The following FGD2 variants were observed in gnomAD, a reference collection of about 807,000 sequenced individuals.
FGD2 encodes FYVE, RhoGEF and PH domain containing 2.
A neutral mutation model predicts 75.9 loss-of-function variants in FGD2; 52 were observed. The observed-to-expected ratio is 0.69, with a 90% CI of 0.55 to 0.86. The LOEUF (loss-of-function observed/expected upper bound fraction) is 0.86, where lower values mean the gene tolerates loss of function less well. Among genes scored for constraint, FGD2 ranks in the 40% least tolerant of loss-of-function variants. FGD2 has a pLI of 0.00. For missense variants in FGD2, 790 were observed against 872.0 expected, an observed-to-expected ratio of 0.91 and a Z score of 1.18; for synonymous variants, 347 against 348.6, an observed-to-expected ratio of 1.00 and a Z score of 0.05.
At chr6:37,015,968 C>A in intron 9 of FGD2, 108 bp downstream of exon 9, 1 of 1,018,310 alleles carries the variant, frequency 9.8e-7, no homozygotes, top group Non-Finnish European at 1.4e-6. Context: ...CAAACCCTTG[C>A]AGGGCCTGGG....
At chr6:37,011,438 A>G in intron 3 of FGD2, 1 of 570,334 alleles carries the variant, frequency 1.8e-6, no homozygotes, top group Admixed American at 3.2e-5. Flanking sequence ...GATGAAGTCC[A>G]AGACCTCCAC....
rs909931830 is a variant in FGD2 at position 37,005,827 on chromosome 6, G to A, written c.10G>A (p.Ala4Thr). The change falls in exon 1 of 16, where the codon GCA (alanine) becomes ACA (threonine). Residue 4 changes from alanine to threonine, a missense_variant. Physicochemically the swap from Ala to Thr is moderately conservative, Grantham distance 58. Transcript: ENST00000274963. MKG[A>T]SEEKLASVSN... ...CCCGGAAACCGGCAGGATGAAGGGG[G>A]CAAGTGAGGAGAAGCTGGCATCTGT... 6.8e-6 allele frequency: 11 copies of A among 1,613,744 alleles called. No individual in the cohort carries two copies. In the African/African-American group the frequency reaches 1.3e-4, roughly 20 times the overall value.
chr6:37,026,402 G>A, intron 14 of FGD2: 1 of 985,358 alleles, frequency 1.0e-6, no homozygotes, highest in Non-Finnish European at 1.2e-6. Context: ...GGAGACCCAG[G>A]GCTGGAGGAG....
chr6:37,014,648 G>T lies in FGD2; in HGVS notation c.826G>T (p.Ala276Ser). 1.2e-6 allele frequency: 2 copies of T among 1,613,836 alleles called. No homozygotes were observed. The highest frequency in any genetic ancestry group is 2.2e-5 in the South Asian group (2 of 91,080). ...QAPDQADAQK[A>S]LDMIFSAAQH... ...AACTCCGGCCCTGCCCCTTTCAGAA[G>T]CCCTGGACATGATCTTCTCAGCTGC... The change falls in exon 7 of 16, where the codon GCC becomes TCC. Residue 276 changes from alanine (A) to serine (S), a missense_variant and splice_region_variant. Coordinates refer to ENST00000274963, the MANE Select transcript of FGD2 (RefSeq NM_173558.4).
rs749795960 is a variant in FGD2, at chr6:37,020,702, C to A, written c.1203-7C>A. The A allele has an allele frequency of 6.3e-7, 1 of 1,574,848 alleles. No homozygotes were observed. Among genetic ancestry groups the A allele is most frequent in the Non-Finnish European group, 8.6e-7 (1 of 1,158,658 alleles). On this transcript the variant is annotated splice_polypyrimidine_tract_variant and splice_region_variant and intron_variant, in intron 10 of 15. Transcript: ENST00000274963. ...CTCCTCAACACCTGTGTTCACTTTC[C>A]GAGCAGGTCCCAGGAGGAAATGATT...
At chr6:37,026,375 A>G in intron 14 of FGD2, 1 of 985,430 alleles carries the variant, frequency 1.0e-6, no homozygotes. Context: ...TCCAGGGGCC[A>G]GTCGGTCTTA....
intron 4 of FGD2, 136 bp from the exon 5 acceptor site, chr6:37,013,473 C>T (rs1765121801): frequency 2.1e-6 from 3 of 1,453,790 alleles, no homozygotes; most frequent in Non-Finnish European, 1.8e-6. Flanking sequence ...GGATGACACC[C>T]CCGTACCCCG....
intron 2 of FGD2, 161 bp downstream of exon 2, chr6:37,009,226 C>G: frequency 1.5e-6 from 1 of 659,462 alleles, no homozygotes; most frequent in Non-Finnish European, 2.5e-6. Context: ...TGCTTAATGG[C>G]CTTTGATTCA....
Position 37,022,377 on chromosome 6 carries a change from ACTC to A in FGD2, c.1458+10_1458+12del. The A allele has an allele frequency of 6.4e-7, 1 of 1,563,992 alleles. No homozygotes were observed. Among genetic ancestry groups the A allele is most frequent in the Non-Finnish European group, 8.6e-7 (1 of 1,158,362 alleles). ...CTGCCGGGCCTGCGGCTATGTGAGT[ACTC>A]CTGCCAGCACTCCTGCCTCCACCTG... On this transcript the variant is annotated splice_region_variant and intron_variant, in intron 13 of 15. Transcript: ENST00000274963.
chr6:37,015,355 G>T (rs534560147), intron 8 of FGD2, among the ~76,000 whole-genome samples: 8 of 152,308 alleles, frequency 5.3e-5, no homozygotes, highest in Non-Finnish European at 1.5e-5. Context: ...AAGGAGTAAG[G>T]TTAGCTACTA....
At chr6:37,026,846 A>G (rs1225575439) in intron 14 of FGD2, among the ~76,000 whole-genome samples, 6 of 138,778 alleles carry the variant, frequency 4.3e-5, no homozygotes, top group Non-Finnish European at 7.7e-5. Context: ...CTAAAAATAC[A>G]AAAAAAAAAA....
At chr6:37,010,013 CA>C (rs58302886) in intron 2 of FGD2, 9,587 of 100,014 alleles carry the variant, frequency 0.096, 328 homozygotes, top group African/African-American at 0.15. Flanking sequence ...GACTCTGTCT[CA>C]AAAAAAAAAA....
rs760448753 is a variant in FGD2, at chr6:37,028,003, C to A, written c.1808C>A (p.Pro603His). The change falls in exon 16 of 16, where the codon CCC becomes CAC. Residue 603 changes from proline (P) to histidine (H), a missense_variant. Coordinates refer to ENST00000274963, the MANE Select transcript of FGD2 (RefSeq NM_173558.4). ...PLLGYQVTVGPQGDPRVFQLQ... is the reference protein window; with the variant it reads ...PLLGYQVTVGHQGDPRVFQLQ... Reference sequence around the variant, plus strand: ...CTGGGCTACCAGGTGACTGTTGGGCCCCAGGGGGACCCTCGGGTCTTCCAG... The same window carrying A: ...CTGGGCTACCAGGTGACTGTTGGGCACCAGGGGGACCCTCGGGTCTTCCAG... 17 of 1,613,964 alleles carry A rather than the reference C, an allele frequency of 1.1e-5. No homozygotes were observed. The highest frequency in any genetic ancestry group is 1.6e-4 in the Middle Eastern group (1 of 6,084).
chr6:37,015,931 G>A lies in FGD2; in HGVS notation c.1122+71G>A. On this transcript the variant is annotated intron_variant, in intron 9 of 15. Coordinates refer to ENST00000274963, the MANE Select transcript of FGD2 (RefSeq NM_173558.4). ...ACTGAGTACAGGGAGTAAGAGGAGG[G>A]GCCAACCAGGTTCTCAATCACAGAA... 8 of 1,373,620 alleles carry A rather than the reference G, an allele frequency of 5.8e-6. 1 individual carries two copies. The highest frequency in any genetic ancestry group is 1.8e-4 in the Middle Eastern group (1 of 5,460). 85.1% of individuals were successfully genotyped at this position (1,373,620 alleles called of 1,614,324 possible).
chr6:37,017,544 G>C (rs1049948622), intron 9 of FGD2, among the ~76,000 whole-genome samples: 3 of 152,336 alleles, frequency 2.0e-5, no homozygotes, highest in African/African-American at 7.2e-5. Flanking sequence ...TCAAGACTAT[G>C]GTGGAATTTC....
chr6:37,014,460 T>C, intron 6 of FGD2, 186 bp from the exon 7 acceptor site: 2 of 677,616 alleles, frequency 3.0e-6, no homozygotes, highest in East Asian at 5.4e-5. Context: ...TTCAGTGGCT[T>C]CCAGTCTCTC....
chr6:37,013,508 A>G, intron 4 of FGD2, 101 bp from the exon 5 acceptor site: 1 of 1,515,496 alleles, frequency 6.6e-7, no homozygotes, highest in Non-Finnish European at 8.8e-7. Flanking sequence ...TGCCGTGGAA[A>G]GTTTGCTTTG....
Position 37,014,879 on chromosome 6 carries a change from C to T in FGD2, c.883-13C>T. 1 of 1,612,650 alleles carries T rather than the reference C, an allele frequency of 6.2e-7. No individual in the cohort carries two copies. Among genetic ancestry groups the T allele is most frequent in the Non-Finnish European group, 8.5e-7 (1 of 1,179,244 alleles). ...TGCCCAGACTTGGCTGAGGATGCAC[C>T]CCAACCCCCTAGGAGCGGCTGCAGG... On this transcript the variant is annotated splice_polypyrimidine_tract_variant and intron_variant, in intron 7 of 15. Coordinates refer to ENST00000274963, the MANE Select transcript of FGD2 (RefSeq NM_173558.4).
intron 5 of FGD2, 21 bp downstream of exon 5, chr6:37,013,786 G>A: frequency 6.2e-7 from 1 of 1,612,822 alleles, no homozygotes; most frequent in Non-Finnish European, 8.5e-7. Context: ...GGGAGGGCTG[G>A]AGTCAGCATT....
Sources: gnomAD v4.1 joint callset for allele counts (sites outside exome capture counted in the v4.1 genomes callset) on GRCh38, gnomAD v4.1.1 for gene constraint, MANE v1.5 for transcripts, NCBI Gene and HGNC (gene_info 2026-07-23, HGNC 2026-07-21) for gene names.